Variants in KCNIP4 observed in about 807,000 individuals in gnomAD.
KCNIP4 encodes the protein potassium voltage-gated channel interacting protein 4.
Under a neutral mutation model 34.0 loss-of-function variants are expected in KCNIP4, and 12 were observed. The observed-to-expected ratio is 0.35, with a 90% CI of 0.23 to 0.57. The LOEUF (loss-of-function observed/expected upper bound fraction) is 0.57. Among genes scored for constraint, KCNIP4 ranks in the 20% least tolerant of loss-of-function variants. KCNIP4 has a pLI of 0.83. For synonymous variants in KCNIP4, 124 were observed against 102.2 expected (o/e 1.21, Z -1.29); for missense variants, 238 against 311.7 (o/e 0.76, Z 1.78).
At chr4:21,658,957 A>G (rs551691552) in intron 1 of KCNIP4, among the ~76,000 whole-genome samples, 1 of 152,340 alleles carries the variant, frequency 6.6e-6, no homozygotes, top group East Asian at 1.9e-4. Context: ...CAGTTTGCCA[A>G]TGTATTCTAT....
At chr4:20,897,755 G>A (rs1036783135) in intron 1 of KCNIP4, among the ~76,000 whole-genome samples, 1 of 152,162 alleles carries the variant, frequency 6.6e-6, no homozygotes, top group South Asian at 2.1e-4. Context: ...GGCCTCAGAA[G>A]GAAAGACGCC....
chr4:21,671,169 A>G (rs1749477528), intron 1 of KCNIP4, among the ~76,000 whole-genome samples: 1 of 152,130 alleles, frequency 6.6e-6, no homozygotes, highest in Non-Finnish European at 1.5e-5. Flanking sequence ...AAACTGATTT[A>G]GAAACCTAAA....
intron 1 of KCNIP4, among the ~76,000 whole-genome samples, chr4:21,227,450 C>T (rs1456265543): frequency 6.6e-6 from 1 of 152,190 alleles, no homozygotes; most frequent in Non-Finnish European, 1.5e-5. Context: ...TAACTTCCCC[C>T]TGTCTGTATC....
In KCNIP4 at chr4:20,732,775, T is replaced by G; in HGVS notation, c.548A>C (p.Asp183Ala). Residue 183 changes from aspartate to alanine, a missense_variant, in exon 7 of 9, where the codon GAT becomes GCT. Coordinates refer to ENST00000382152, the MANE Select transcript of KCNIP4 (RefSeq NM_025221.6). ...CATATCGTATATTGCTTTCATTATA[T>G]CAAGCATTTCCTGAAAAATAAAAGG... ...DGYITKEEML[D>A]IMKAIYDMMG... 3 of 1,601,174 alleles carry G rather than the reference T, an allele frequency of 1.9e-6. No homozygotes were observed. Among genetic ancestry groups the G allele is most frequent in the Non-Finnish European group, 2.6e-6 (3 of 1,168,814 alleles).
intron 1 of KCNIP4, among the ~76,000 whole-genome samples, chr4:21,264,213 T>C (rs1013661684): frequency 5.0e-5 from 4 of 79,954 alleles, no homozygotes; most frequent in African/African-American, 1.9e-4. Flanking sequence ...TACAAATAAA[T>C]TTTCAGCTGA....
chr4:20,790,133 C>T (rs1712537393), intron 3 of KCNIP4, among the ~76,000 whole-genome samples: 2 of 152,136 alleles, frequency 1.3e-5, no homozygotes, highest in Admixed American at 6.6e-5. Context: ...CTGCATGTAA[C>T]TGTAACTGAA....
chr4:21,144,555 G>C (rs1054549894), intron 1 of KCNIP4, among the ~76,000 whole-genome samples: 1 of 152,110 alleles, frequency 6.6e-6, no homozygotes, highest in Admixed American at 6.5e-5. Context: ...AAAACATACT[G>C]TAGAGCACAC....
chr4:20,832,796 C>A (rs189157038), intron 3 of KCNIP4, among the ~76,000 whole-genome samples: 28 of 140,932 alleles, frequency 2.0e-4, no homozygotes, highest in African/African-American at 6.2e-4. Context: ...GTAAACATTT[C>A]TTTTTGCTAA....
chr4:21,340,857 C>A (rs937673018), intron 1 of KCNIP4, among the ~76,000 whole-genome samples: 1 of 152,050 alleles, frequency 6.6e-6, no homozygotes, highest in Non-Finnish European at 1.5e-5. Context: ...CCGTATATTA[C>A]ACAGTCTATA....
intron 1 of KCNIP4, among the ~76,000 whole-genome samples, chr4:21,125,735 T>G (rs1750560975): frequency 6.6e-6 from 1 of 152,152 alleles, no homozygotes. Context: ...AAAACAACCA[T>G]ACTACCAGGC....
intron 5 of KCNIP4, among the ~76,000 whole-genome samples, chr4:20,743,902 A>G (rs1182052023): frequency 1.3e-5 from 2 of 151,684 alleles, no homozygotes; most frequent in African/African-American, 4.8e-5. Context: ...AGAATCTACA[A>G]AGAAATTAAA....
chr4:21,434,214 T>A (rs1726750190), intron 1 of KCNIP4, among the ~76,000 whole-genome samples: 3 of 152,182 alleles, frequency 2.0e-5, no homozygotes, highest in Admixed American at 2.0e-4. Context: ...ATTGAATAAT[T>A]TTTAAGGATA....
chr4:21,852,576 A>G (rs1724479392), intron 1 of KCNIP4: 1 of 152,194 alleles, frequency 6.6e-6, no homozygotes, highest in Admixed American at 6.5e-5. Flanking sequence ...AGTAAACATA[A>G]GCTTAAATGT....
intron 1 of KCNIP4, among the ~76,000 whole-genome samples, chr4:21,016,514 C>G (rs368823008): frequency 3.3e-5 from 5 of 152,236 alleles, no homozygotes; most frequent in South Asian, 4.1e-4. Context: ...CCTGGATGGT[C>G]TCGATCTCCT....
At chr4:21,234,311 C>A (rs1329212996) in intron 1 of KCNIP4, among the ~76,000 whole-genome samples, 3 of 73,454 alleles carry the variant, frequency 4.1e-5, no homozygotes, top group Admixed American at 1.7e-4. Flanking sequence ...ACATATATAA[C>A]ATATATATAA....
intron 1 of KCNIP4, among the ~76,000 whole-genome samples, chr4:21,346,663 C>G (rs1008431453): frequency 1.3e-5 from 2 of 151,994 alleles, no homozygotes; most frequent in Non-Finnish European, 2.9e-5. Context: ...CATTGCTTCT[C>G]AAACTTTATT....
At chr4:21,447,338 G>T (rs1354230680) in intron 1 of KCNIP4, among the ~76,000 whole-genome samples, 1 of 152,084 alleles carries the variant, frequency 6.6e-6, no homozygotes, top group African/African-American at 2.4e-5. Context: ...TTCTCTCCCA[G>T]GCCTCCAGAG....
chr4:21,903,717 T>G (rs1385464890), intron 1 of KCNIP4, among the ~76,000 whole-genome samples: 1 of 152,170 alleles, frequency 6.6e-6, no homozygotes, highest in Non-Finnish European at 1.5e-5. Flanking sequence ...CAATTTATTT[T>G]TTAAATGGGA....
chr4:21,187,186 G>A (rs908189202), intron 1 of KCNIP4, among the ~76,000 whole-genome samples: 3 of 152,082 alleles, frequency 2.0e-5, no homozygotes, highest in African/African-American at 7.2e-5. Flanking sequence ...CATTCACATA[G>A]GCTATGGTCC....
Sources: allele counts gnomAD v4.1 joint callset (sites outside exome capture counted in the v4.1 genomes callset), GRCh38; gene constraint gnomAD v4.1.1; transcripts MANE v1.5; gene names NCBI Gene and HGNC (gene_info 2026-07-23, HGNC 2026-07-21).